SLC44A5: variants seen among roughly 807,000 people sequenced by gnomAD.
SLC44A5 encodes the protein solute carrier family 44 member 5.
SLC44A5 carries 57 observed loss-of-function variants against 101.8 expected under a neutral mutation model. That is an observed-to-expected ratio of 0.56 (90% CI 0.45 to 0.70). The LOEUF is 0.70. SLC44A5 is among the 30% of genes least tolerant of loss of function. The pLI is 0.00. For missense variants in SLC44A5, 737 were observed against 853.1 expected, an observed-to-expected ratio of 0.86 and a Z score of 1.70; for synonymous variants, 281 against 290.9, an observed-to-expected ratio of 0.97 and a Z score of 0.35.
intron 1 of SLC44A5, among the ~76,000 whole-genome samples, chr1:75,580,154 C>CATAG (rs1454204224): frequency 6.6e-6 from 1 of 151,698 alleles, no homozygotes; most frequent in Non-Finnish European, 1.5e-5. Flanking sequence ...CTACCTACAG[C>CATAG]ATAGAATAAA....
At chr1:75,400,145 A>T (rs538983926) in intron 2 of SLC44A5, among the ~76,000 whole-genome samples, 9 of 152,338 alleles carry the variant, frequency 5.9e-5, no homozygotes, top group African/African-American at 1.9e-4. Flanking sequence ...GAATATGTAG[A>T]CATAAAGATG....
intron 5 of SLC44A5, among the ~76,000 whole-genome samples, chr1:75,275,257 T>C (rs564603289): frequency 6.6e-6 from 1 of 152,270 alleles, no homozygotes; most frequent in Non-Finnish European, 1.5e-5. Flanking sequence ...CTCTCAGGAT[T>C]CAGCTGGGTT....
chr1:75,714,652 C>A, the SLC44A5 span, among the ~76,000 whole-genome samples: 1 of 152,176 alleles, frequency 6.6e-6, no homozygotes, highest in Middle Eastern at 3.2e-3. Context: ...ACCACTTCAG[C>A]AAAATTTCAA....
At chr1:75,286,232 TG>T (rs776873523) in intron 5 of SLC44A5, among the ~76,000 whole-genome samples, 3 of 152,184 alleles carry the variant, frequency 2.0e-5, no homozygotes, top group Non-Finnish European at 2.9e-5. Flanking sequence ...TATCCCTCTT[TG>T]TCTTTTTAAA....
the SLC44A5 span, among the ~76,000 whole-genome samples, chr1:75,643,187 T>C: frequency 6.6e-6 from 1 of 152,142 alleles, no homozygotes; most frequent in Non-Finnish European, 1.5e-5. Flanking sequence ...CTAGTAACTT[T>C]ACTTATACTA....
At chr1:75,703,625 A>G in the SLC44A5 span, among the ~76,000 whole-genome samples, 1 of 151,530 alleles carries the variant, frequency 6.6e-6, no homozygotes, top group Non-Finnish European at 1.5e-5. Context: ...ACTAACCTGC[A>G]CATTGTGCTC....
At chr1:75,684,155 G>A in the SLC44A5 span, among the ~76,000 whole-genome samples, 1 of 152,230 alleles carries the variant, frequency 6.6e-6, no homozygotes, top group East Asian at 1.9e-4. Flanking sequence ...GATCTCCTGA[G>A]ACTTATTCAT....
chr1:75,345,661 G>A (rs1003832484), intron 3 of SLC44A5, among the ~76,000 whole-genome samples: 4 of 152,092 alleles, frequency 2.6e-5, no homozygotes, highest in African/African-American at 9.7e-5. Flanking sequence ...ATACTTAGAG[G>A]AAAGAATGTG....
intron 6 of SLC44A5, among the ~76,000 whole-genome samples, chr1:75,253,881 T>C (rs1459706759): frequency 6.6e-6 from 1 of 152,162 alleles, no homozygotes; most frequent in Admixed American, 6.5e-5. Context: ...TAGACACTTA[T>C]CAGATGTTTT....
intron 5 of SLC44A5, among the ~76,000 whole-genome samples, chr1:75,295,850 AAGTTT>A (rs1250329258): frequency 6.6e-6 from 1 of 152,170 alleles, no homozygotes; most frequent in Admixed American, 6.5e-5. Flanking sequence ...TGTTTTGGGA[AAGTTT>A]AGTCAGGAAA....
the SLC44A5 span, among the ~76,000 whole-genome samples, chr1:75,661,819 C>T: frequency 5.3e-5 from 8 of 151,904 alleles, no homozygotes; most frequent in Admixed American, 6.6e-5. Flanking sequence ...CCAGTTAAAA[C>T]GGCTTTTATT....
the SLC44A5 span, among the ~76,000 whole-genome samples, chr1:75,623,291 C>T: frequency 3.3e-5 from 5 of 152,028 alleles, no homozygotes; most frequent in African/African-American, 1.2e-4. Context: ...AGGAAGATTC[C>T]TCTAAGAATG....
intron 2 of SLC44A5, among the ~76,000 whole-genome samples, chr1:75,506,058 C>CT (rs759911347): frequency 7.2e-5 from 11 of 152,054 alleles, no homozygotes; most frequent in Non-Finnish European, 1.2e-4. Context: ...TAGTTTCATT[C>CT]TTCTGCATAT....
intron 2 of SLC44A5, among the ~76,000 whole-genome samples, chr1:75,419,861 T>G (rs1663893932): frequency 6.6e-6 from 1 of 151,954 alleles, no homozygotes. Context: ...ATACATGGAG[T>G]GGTATAATAT....
intron 2 of SLC44A5, among the ~76,000 whole-genome samples, chr1:75,448,342 A>G (rs1570310460): frequency 6.6e-6 from 1 of 152,162 alleles, no homozygotes. Context: ...GAAGGCACTT[A>G]GAGTCCAGGG....
the SLC44A5 span, among the ~76,000 whole-genome samples, chr1:75,682,984 A>G: frequency 2.0e-5 from 3 of 152,194 alleles, no homozygotes; most frequent in African/African-American, 7.2e-5. Flanking sequence ...ACATTTATGC[A>G]GCCAAAAAAC....
At chr1:75,522,290 C>T (rs769123835) in intron 2 of SLC44A5, 8 of 150,440 alleles carry the variant, frequency 5.3e-5, no homozygotes, top group Admixed American at 1.3e-4. Flanking sequence ...TATGGCATGA[C>T]GTAAACTGTA....
chr1:75,315,314 G>A (rs1655608945), intron 4 of SLC44A5, among the ~76,000 whole-genome samples: 1 of 152,070 alleles, frequency 6.6e-6, no homozygotes, highest in South Asian at 2.1e-4. Context: ...AAATAAGTTT[G>A]CACCAGTCTA....
At chr1:75,374,574 C>T (rs1660444931) in intron 3 of SLC44A5, among the ~76,000 whole-genome samples, 4 of 152,170 alleles carry the variant, frequency 2.6e-5, no homozygotes, top group Admixed American at 2.0e-4. Flanking sequence ...TTCCCCTCCC[C>T]AGGGCACCGC....
Sources: gnomAD v4.1 joint callset for allele counts (sites outside exome capture counted in the v4.1 genomes callset) on GRCh38, gnomAD v4.1.1 for gene constraint, MANE v1.5 for transcripts, NCBI Gene and HGNC (gene_info 2026-07-23, HGNC 2026-07-21) for gene names.